SPAG16: variants seen among roughly 807,000 people sequenced by gnomAD.
The protein encoded by SPAG16 is sperm associated antigen 16, also known as sperm-associated antigen 16 protein.
In SPAG16, 86 loss-of-function variants were observed where a neutral mutation model predicts 80.4. The observed-to-expected ratio is 1.07, with a 90% CI of 0.90 to 1.28. The LOEUF is 1.28. Among genes scored for constraint, SPAG16 ranks in the 50% most tolerant of loss-of-function variants. The pLI is 0.00. For synonymous variants in SPAG16, 294 were observed against 265.9 expected (o/e 1.11, Z -1.03); for missense variants, 870 against 765.3 (o/e 1.14, Z -1.61).
At chr2:214,074,542 C>G (rs950382758) in intron 13 of SPAG16, among the ~76,000 whole-genome samples, 4 of 152,008 alleles carry the variant, frequency 2.6e-5, no homozygotes, top group South Asian at 4.1e-4. Flanking sequence ...TGTATTATTA[C>G]TGAAAGAGAA....
At chr2:213,716,014 ATTTG>A (rs1328207642) in intron 10 of SPAG16, among the ~76,000 whole-genome samples, 1 of 152,038 alleles carries the variant, frequency 6.6e-6, no homozygotes, top group Non-Finnish European at 1.5e-5. Context: ...GCCCTCATCT[ATTTG>A]TTTAAGGCCT....
At chr2:213,755,918 G>C (rs769613029) in intron 10 of SPAG16, among the ~76,000 whole-genome samples, 3 of 152,158 alleles carry the variant, frequency 2.0e-5, no homozygotes, top group Non-Finnish European at 2.9e-5. Context: ...AATATTTGCA[G>C]TCCCTGTGGC....
At position 213,903,293 on chromosome 2, in the gene SPAG16, C is replaced by T. The variant is rs576026329; in HGVS notation, c.1215-26667C>T. On this transcript the variant is annotated intron_variant, in intron 11 of 15. Coordinates refer to ENST00000331683, the MANE Select transcript of SPAG16 (RefSeq NM_024532.5). ...TAGTAGAGGTTTTCCATGGGCATCC[C>T]ACCCCTGCAGCAAACTTCTGCCTGG... Among the ~76,000 whole-genome samples the T allele has an allele frequency of 6.6e-5, 10 of 152,268 alleles. No homozygotes were observed. The South Asian group carries it at 1.5e-3, about 22-fold the overall frequency.
chr2:213,935,893 C>G (rs988385208), intron 12 of SPAG16, among the ~76,000 whole-genome samples: 1 of 152,006 alleles, frequency 6.6e-6, no homozygotes, highest in African/African-American at 2.4e-5. Flanking sequence ...AACTTCTGCC[C>G]TTATGTCATT....
At chr2:214,084,088 TA>T (rs2051562222) in intron 13 of SPAG16, among the ~76,000 whole-genome samples, 1 of 152,148 alleles carries the variant, frequency 6.6e-6, no homozygotes, top group Non-Finnish European at 1.5e-5. Flanking sequence ...CCCTTCACTT[TA>T]AAATTTATTT....
intron 15 of SPAG16, among the ~76,000 whole-genome samples, chr2:214,269,033 A>C (rs1262776254): frequency 6.6e-6 from 1 of 151,972 alleles, no homozygotes; most frequent in East Asian, 1.9e-4. Flanking sequence ...ATAATCAGCT[A>C]TTTGTCTTTT....
chr2:213,552,476 T>C (rs1179919004), intron 10 of SPAG16, among the ~76,000 whole-genome samples: 1 of 152,224 alleles, frequency 6.6e-6, no homozygotes, highest in Non-Finnish European at 1.5e-5. Flanking sequence ...TTCTCAACTC[T>C]AGTTTTATAT....
intron 11 of SPAG16, among the ~76,000 whole-genome samples, chr2:213,911,815 G>A (rs1482727629): frequency 2.5e-5 from 2 of 81,398 alleles, no homozygotes; most frequent in Non-Finnish European, 4.9e-5. Flanking sequence ...GAGTAGGTTT[G>A]AAAAATGAGA....
rs190457679 is a variant in SPAG16, at chr2:214,013,492, G to A, written c.1401-459G>A. ...CTGACCAGTCTCTCCCTATTCTCCC[G>A]TCTCTTTTCCCTCCCCCAGTCTCTG... On this transcript the variant is annotated intron_variant, in intron 12 of 15. Transcript: ENST00000331683. 1.7e-3 allele frequency among the ~76,000 whole-genome samples: 252 copies of A among 151,996 alleles called. 1 individual carries two copies. Among genetic ancestry groups the A allele is most frequent in the African/African-American group, 5.8e-3 (240 of 41,452 alleles).
At chr2:213,296,945 A>T (rs767393191) in intron 2 of SPAG16, 1 of 626,492 alleles carries the variant, frequency 1.6e-6, no homozygotes, top group African/African-American at 2.0e-5. Context: ...AGCACTTGAG[A>T]TGGGGCAAGA....
chr2:213,992,958 G>A (rs1236149220), intron 12 of SPAG16, among the ~76,000 whole-genome samples: 1 of 152,196 alleles, frequency 6.6e-6, no homozygotes, highest in Admixed American at 6.5e-5. Flanking sequence ...CTATCTGAAG[G>A]AGGGTGGTCA....
At chr2:214,283,605 A>C (rs935017912) in intron 15 of SPAG16, among the ~76,000 whole-genome samples, 7 of 152,210 alleles carry the variant, frequency 4.6e-5, no homozygotes, top group African/African-American at 1.2e-4. Context: ...TTTAAACTGT[A>C]GAATTAACTT....
intron 3 of SPAG16, among the ~76,000 whole-genome samples, chr2:213,303,387 A>G: frequency 6.6e-6 from 1 of 151,992 alleles, no homozygotes. Context: ...AAGCATTTAT[A>G]TTTCTTTATA....
rs549232176 is a variant in SPAG16, at chr2:213,996,473, T to C, written c.1401-17478T>C. 1.2e-4 allele frequency among the ~76,000 whole-genome samples: 19 copies of C among 152,002 alleles called. No homozygotes were observed. The South Asian group carries it at 4.0e-3, about 32-fold the overall frequency. The stretch of plus-strand genomic sequence containing the variant: ...AGAATGTAGCCACTGTACTCAGTTA[T>C]AGAATAAAAGCAGATATATCTTGGC... On this transcript the variant is annotated intron_variant, in intron 12 of 15. Coordinates refer to ENST00000331683, the MANE Select transcript of SPAG16 (RefSeq NM_024532.5).
At chr2:213,959,838 C>T (rs1473666145) in intron 12 of SPAG16, among the ~76,000 whole-genome samples, 1 of 152,180 alleles carries the variant, frequency 6.6e-6, no homozygotes, top group Non-Finnish European at 1.5e-5. Context: ...ACCTTCCTCC[C>T]ATTCAGGTCT....
chr2:213,563,946 T>G (rs369983421), intron 10 of SPAG16, among the ~76,000 whole-genome samples: 2 of 152,174 alleles, frequency 1.3e-5, no homozygotes, highest in African/African-American at 2.4e-5. Context: ...AAAACCAGCT[T>G]CTTCTTCTGC....
chr2:213,949,179 T>TTTTTTTTTTTTTTTGTTTTTTTTTG lies in SPAG16; in HGVS notation c.1400+19049_1400+19050insTTTTTTTTTGTTTTTTTTTTTTTTG, dbSNP rs1575623841. ...TACTTAATTACAACAGTTTTTTTTTTTTTTTTTTTTTTTTGAGGTAGAGTC... is the reference window on the plus strand; with the variant it reads ...TACTTAATTACAACAGTTTTTTTTTTTTTTTTTTTTTTTTGTTTTTTTTTGTTTTTTTTTTTTTTGAGGTAGAGTC... On this transcript the variant is annotated intron_variant, in intron 12 of 15. Transcript: ENST00000331683. Among the ~76,000 whole-genome samples the TTTTTTTTTTTTTTTGTTTTTTTTTG allele has an allele frequency of 5.3e-3, 191 of 36,236 alleles. 3 individuals carry two copies. Among genetic ancestry groups the TTTTTTTTTTTTTTTGTTTTTTTTTG allele is most frequent in the African/African-American group, 0.014 (177 of 12,248 alleles). The allele number at this position is 36,236 out of a possible 152,430, so 23.8% of individuals were successfully genotyped here.
intron 10 of SPAG16, among the ~76,000 whole-genome samples, chr2:213,759,554 C>A (rs572159956): frequency 1.3e-5 from 2 of 151,412 alleles, no homozygotes; most frequent in Admixed American, 6.6e-5. Context: ...TATGGTGGTA[C>A]AAATTTAAAT....
intron 14 of SPAG16, among the ~76,000 whole-genome samples, chr2:214,142,556 A>C (rs1415854262): frequency 1.3e-5 from 2 of 151,958 alleles, no homozygotes; most frequent in Admixed American, 1.3e-4. Flanking sequence ...TATTGTAACT[A>C]TCTCCTTTGC....
Sources: gnomAD v4.1 joint callset for allele counts (sites outside exome capture counted in the v4.1 genomes callset) on GRCh38, gnomAD v4.1.1 for gene constraint, MANE v1.5 for transcripts, NCBI Gene and HGNC (gene_info 2026-07-23, HGNC 2026-07-21) for gene names.